Variants in DIAPH2 observed in about 807,000 individuals in gnomAD.
DIAPH2 encodes diaphanous related formin 2.
DIAPH2 carries 35 observed loss-of-function variants against 92.7 expected under a neutral mutation model. The ratio of observed to expected loss-of-function variants is 0.38; its 90% CI spans 0.29 to 0.50. DIAPH2 has a LOEUF of 0.50. Ranked by LOEUF, DIAPH2 falls within the 20% of genes least tolerant of loss-of-function variation. DIAPH2 has a pLI of 0.94. For synonymous variants in DIAPH2, 301 were observed against 280.4 expected (o/e 1.07, Z -0.73); for missense variants, 701 against 819.5 (o/e 0.86, Z 1.77).
intron 26 of DIAPH2, among the ~76,000 whole-genome samples, chrX:97,585,947 G>A (rs779755725): frequency 1.8e-5 from 2 of 111,812 alleles, no homozygotes; most frequent in Non-Finnish European, 3.8e-5. Context: ...GTACTGTAAT[G>A]GTTCTTTCTA....
intron 26 of DIAPH2, among the ~76,000 whole-genome samples, chrX:97,504,286 C>T (rs1352398587): frequency 9.0e-6 from 1 of 111,721 alleles, no homozygotes; most frequent in Non-Finnish European, 1.9e-5. Flanking sequence ...TACTTGTCTT[C>T]CCAGATGTTT....
chrX:96,882,706 C>T (rs943337952), intron 5 of DIAPH2, among the ~76,000 whole-genome samples: 1 of 109,972 alleles, frequency 9.1e-6, no homozygotes, highest in Non-Finnish European at 1.9e-5. Context: ...CCTATAATCC[C>T]TGCACTTCAG....
intron 1 of DIAPH2, among the ~76,000 whole-genome samples, chrX:96,690,444 T>A (rs2063793044): frequency 8.9e-6 from 1 of 111,979 alleles, no homozygotes; most frequent in Admixed American, 9.5e-5. Context: ...AATTCTATAT[T>A]GTTATACAAA....
At position 96,884,635 on chromosome X, in the gene DIAPH2, G is replaced by C. The variant is rs761816138; in HGVS notation, c.587+2917G>C. On this transcript the variant is annotated intron_variant, in intron 5 of 26. Coordinates refer to ENST00000324765, the MANE Select transcript of DIAPH2 (RefSeq NM_006729.5). ...ACCAATCGAGGCCCGACAGTGGTTT[G>C]GTAGAGAGAAAGTCAAGCAGGTGAC... 31 of 1,210,435 alleles carry C rather than the reference G, an allele frequency of 2.6e-5. No individual in the cohort carries two copies. The Admixed American group carries it at 6.8e-4, about 26-fold the overall frequency.
chrX:97,266,257 A>G (rs1474574409), intron 23 of DIAPH2, among the ~76,000 whole-genome samples: 1 of 112,344 alleles, frequency 8.9e-6, no homozygotes, highest in Non-Finnish European at 1.9e-5. Flanking sequence ...CAGTATAAAT[A>G]ATGTATTCTT....
intron 26 of DIAPH2, among the ~76,000 whole-genome samples, chrX:97,537,866 A>G (rs1316688282): frequency 3.7e-5 from 4 of 108,500 alleles, no homozygotes; most frequent in African/African-American, 1.4e-4. Context: ...CAGATACACT[A>G]CTTAAGCTAA....
intron 24 of DIAPH2, among the ~76,000 whole-genome samples, chrX:97,379,526 G>A (rs1168623861): frequency 1.8e-5 from 2 of 112,218 alleles, no homozygotes; most frequent in African/African-American, 6.5e-5. Flanking sequence ...TGCAGATGTG[G>A]AAACTAAAGC....
intron 26 of DIAPH2, among the ~76,000 whole-genome samples, chrX:97,531,469 C>T (rs1391780383): frequency 2.7e-5 from 3 of 111,713 alleles, no homozygotes; most frequent in Non-Finnish European, 5.6e-5. Flanking sequence ...GTAAAATCGG[C>T]TAACTAACTT....
chrX:97,080,876 A>G (rs1197812735), intron 19 of DIAPH2, among the ~76,000 whole-genome samples: 1 of 111,735 alleles, frequency 8.9e-6, no homozygotes, highest in Non-Finnish European at 1.9e-5. Flanking sequence ...TCCTCAATCC[A>G]TCTTTGTAAT....
intron 22 of DIAPH2, among the ~76,000 whole-genome samples, chrX:97,197,942 G>A (rs2067716487): frequency 9.0e-6 from 1 of 111,327 alleles, no homozygotes; most frequent in African/African-American, 3.3e-5. Context: ...TTCCAGTTGA[G>A]TAAAAATAAA....
intron 4 of DIAPH2, among the ~76,000 whole-genome samples, chrX:96,823,978 A>G (rs2064795854): frequency 9.2e-6 from 1 of 108,878 alleles, no homozygotes. Context: ...ATAAAGAAAT[A>G]TATATATAAA....
chrX:97,192,125 A>T (rs770813354), intron 22 of DIAPH2, among the ~76,000 whole-genome samples: 1 of 109,511 alleles, frequency 9.1e-6, no homozygotes, highest in East Asian at 2.9e-4. Flanking sequence ...CCCCTTCTCT[A>T]CTAAAAATAC....
At chrX:97,241,300 CTT>C (rs1214338958) in intron 22 of DIAPH2, among the ~76,000 whole-genome samples, 1 of 103,501 alleles carries the variant, frequency 9.7e-6, no homozygotes, top group Non-Finnish European at 2.0e-5. Flanking sequence ...ATGACTAATT[CTT>C]TTTTTTTTTT....
At chrX:97,516,163 G>A (rs2070946312) in intron 26 of DIAPH2, among the ~76,000 whole-genome samples, 1 of 110,360 alleles carries the variant, frequency 9.1e-6, no homozygotes, top group Non-Finnish European at 1.9e-5. Context: ...GCTGAGGCAG[G>A]AGAATCGCTG....
intron 17 of DIAPH2, among the ~76,000 whole-genome samples, chrX:97,032,219 G>A (rs1191730346): frequency 9.0e-6 from 1 of 111,172 alleles, no homozygotes; most frequent in Non-Finnish European, 1.9e-5. Context: ...CCTGGTTGGG[G>A]ATGGAGAAGG....
At chrX:97,501,406 C>T (rs192480511) in intron 26 of DIAPH2, among the ~76,000 whole-genome samples, 2 of 111,533 alleles carry the variant, frequency 1.8e-5, no homozygotes, top group African/African-American at 6.5e-5. Flanking sequence ...TAGGCAGAAC[C>T]CCTGTGAGAT....
chrX:97,344,631 A>C (rs949750593), intron 23 of DIAPH2, among the ~76,000 whole-genome samples: 2 of 111,520 alleles, frequency 1.8e-5, no homozygotes, highest in Admixed American at 9.6e-5. Flanking sequence ...AAGGATTTAG[A>C]GATTGGGCTG....
At chrX:97,400,041 C>A (rs2069740465) in intron 25 of DIAPH2, among the ~76,000 whole-genome samples, 2 of 111,960 alleles carry the variant, frequency 1.8e-5, no homozygotes, top group African/African-American at 6.5e-5. Context: ...TGAATTTGGA[C>A]CTTAATCCTT....
chrX:97,334,998 CAAAA>C (rs746536131), intron 23 of DIAPH2, among the ~76,000 whole-genome samples: 25 of 31,454 alleles, frequency 7.9e-4, no homozygotes, highest in South Asian at 0.011. Flanking sequence ...AAAAACAAAA[CAAAA>C]AAAAAAAAAA....
Sources: allele counts gnomAD v4.1 joint callset (sites outside exome capture counted in the v4.1 genomes callset), GRCh38; gene constraint gnomAD v4.1.1; transcripts MANE v1.5; gene names NCBI Gene and HGNC (gene_info 2026-07-23, HGNC 2026-07-21).